Variants in VWA8 observed in about 807,000 individuals in gnomAD.
The protein encoded by VWA8 is von Willebrand factor A domain containing 8.
Under a neutral mutation model 241.5 loss-of-function variants are expected in VWA8, and 221 were observed. The observed-to-expected ratio is 0.91, with a 90% confidence interval of 0.82 to 1.02. VWA8 has a LOEUF of 1.02. Ranked by LOEUF, VWA8 falls within the 50% of genes least tolerant of loss-of-function variation. The pLI, the probability that VWA8 is intolerant of heterozygous loss-of-function variation, is 0.00. For synonymous variants in VWA8, 852 were observed against 827.1 expected, an observed-to-expected ratio of 1.03 and a Z score of -0.52; for missense variants, 2,322 against 2,328.7, an observed-to-expected ratio of 1.00 and a Z score of 0.06.
chr13:41,854,568 T>C (rs1298188533), intron 12 of VWA8, among the ~76,000 whole-genome samples: 4 of 151,890 alleles, frequency 2.6e-5, no homozygotes, highest in African/African-American at 7.2e-5. Flanking sequence ...AGGAATATAA[T>C]CTAAATTAAG....
intron 30 of VWA8, 137 bp downstream of exon 30, chr13:41,692,725 T>C (rs2045186484): frequency 1.7e-6 from 1 of 588,198 alleles, no homozygotes; most frequent in Admixed American, 3.1e-5. Context: ...TGTTAAAATC[T>C]ATACGTGCAT....
rs551677250 is a variant in VWA8 at position 41,727,199 on chromosome 13, G to C, written c.2753C>G (p.Thr918Ser). Residue 918 changes from threonine to serine, a missense_variant, in exon 24 of 45, where the codon ACC becomes AGC. Thr to Ser is a moderately conservative substitution (Grantham distance 58, BLOSUM62 1). Transcript: ENST00000379310. The part of the protein sequence containing the change: ...FPFLGNDFFG[T>S]LGDIFSCHAV... ...ATTATCATTACTGTTTTTACCTAAGGTACCGAAGAAATCATTGCCTAGGAA... is the reference window on the plus strand; with the variant it reads ...ATTATCATTACTGTTTTTACCTAAGCTACCGAAGAAATCATTGCCTAGGAA... 19 of 1,542,864 alleles carry C rather than the reference G, an allele frequency of 1.2e-5. No homozygotes were observed. Among genetic ancestry groups the C allele is most frequent in the Non-Finnish European group, 1.7e-5 (19 of 1,144,268 alleles).
intron 42 of VWA8, among the ~76,000 whole-genome samples, chr13:41,582,369 G>A (rs928774855): frequency 6.6e-6 from 1 of 152,138 alleles, no homozygotes; most frequent in Non-Finnish European, 1.5e-5. Context: ...CAAAGCAGAC[G>A]CCAAGAGAGA....
At chr13:41,647,896 G>C (rs930488882) in intron 37 of VWA8, among the ~76,000 whole-genome samples, 1 of 152,098 alleles carries the variant, frequency 6.6e-6, no homozygotes, top group Non-Finnish European at 1.5e-5. Flanking sequence ...GGCTGAAGCA[G>C]GAGAATCGCC....
intron 21 of VWA8, among the ~76,000 whole-genome samples, chr13:41,735,179 A>G (rs1405813285): frequency 1.3e-5 from 2 of 152,192 alleles, no homozygotes; most frequent in African/African-American, 2.4e-5. Context: ...TTCTCATCTC[A>G]GCTTTCACAT....
chr13:41,661,333 C>T (rs2044948895), intron 37 of VWA8, among the ~76,000 whole-genome samples: 1 of 152,126 alleles, frequency 6.6e-6, no homozygotes, highest in Non-Finnish European at 1.5e-5. Context: ...ACTCCACTGG[C>T]ATTTTCAGAT....
At chr13:41,658,222 G>A (rs889143946) in intron 37 of VWA8, among the ~76,000 whole-genome samples, 1 of 152,226 alleles carries the variant, frequency 6.6e-6, no homozygotes, top group Admixed American at 6.5e-5. Flanking sequence ...TACTTGGAAG[G>A]CTGACGTGAG....
In VWA8 at chr13:41,750,470, C is replaced by A. The variant is rs539963742; in HGVS notation, c.2426+10658G>T. On this transcript the variant is annotated intron_variant, in intron 21 of 44. Coordinates refer to ENST00000379310, the MANE Select transcript of VWA8 (RefSeq NM_015058.2). ...AACAACAACAACAACAAAACAAAAA[C>A]AAAAAAAAAAGGAAAAAAAGAAAGG... Among the ~76,000 whole-genome samples the A allele has an allele frequency of 4.0e-3, 478 of 119,704 alleles. 1 individual carries two copies. Among genetic ancestry groups the A allele is most frequent in the African/African-American group, 0.012 (383 of 32,604 alleles). The allele number at this position is 119,704 out of a possible 152,430, so 78.5% of individuals were successfully genotyped here.
chr13:41,614,886 T>C (rs2044611145), intron 38 of VWA8, 90 bp downstream of exon 38: 1 of 1,279,200 alleles, frequency 7.8e-7, no homozygotes, highest in Non-Finnish European at 1.1e-6. Flanking sequence ...GGAAAGCCCG[T>C]CTCTGAGTCT....
intron 3 of VWA8, among the ~76,000 whole-genome samples, chr13:41,910,447 T>A (rs1307436554): frequency 7.9e-5 from 12 of 151,630 alleles, no homozygotes; most frequent in African/African-American, 2.9e-4. Context: ...TAGCCGGGTG[T>A]GGTGGCATGC....
At chr13:41,772,044 C>T (rs2045827911) in intron 20 of VWA8, among the ~76,000 whole-genome samples, 1 of 152,008 alleles carries the variant, frequency 6.6e-6, no homozygotes, top group Non-Finnish European at 1.5e-5. Context: ...GCATGAACCA[C>T]CACGCCTGGC....
At chr13:41,692,468 T>C (rs1338498284) in intron 30 of VWA8, among the ~76,000 whole-genome samples, 2 of 152,058 alleles carry the variant, frequency 1.3e-5, no homozygotes, top group African/African-American at 4.8e-5. Context: ...AACACTTATT[T>C]GTCTAATGGA....
At chr13:41,733,330 G>A (rs1328701350) in intron 21 of VWA8, among the ~76,000 whole-genome samples, 1 of 152,140 alleles carries the variant, frequency 6.6e-6, no homozygotes, top group Admixed American at 6.5e-5. Context: ...GCTTTGAGAG[G>A]CAGCTGTGGA....
rs757338212 is a variant in VWA8 at position 41,570,489 on chromosome 13, G to C, written c.5588C>G (p.Ser1863Cys). The change falls in exon 44 of 45, where the codon TCT becomes TGT. Residue 1863 changes from serine (S) to cysteine (C), a missense_variant. Transcript: ENST00000379310. ...QVNAFAIFIG[S>C]LGDQATRLQR... ...TTACCTGGTTGCTTGATCACCTAAA[G>C]AGCCAATAAAAATGGCAAAAGCATT... The C allele has an allele frequency of 1.9e-6, 3 of 1,614,142 alleles. No homozygotes were observed. Among genetic ancestry groups the C allele is most frequent in the Admixed American group, 3.3e-5 (2 of 60,020 alleles).
At chr13:41,804,173 A>G (rs1217585752) in intron 17 of VWA8, among the ~76,000 whole-genome samples, 4 of 152,214 alleles carry the variant, frequency 2.6e-5, no homozygotes, top group African/African-American at 9.6e-5. Flanking sequence ...AAAGACATCA[A>G]TATTCCAGTA....
chr13:41,710,381 G>C (rs2045308696), intron 26 of VWA8, among the ~76,000 whole-genome samples: 1 of 152,130 alleles, frequency 6.6e-6, no homozygotes, highest in African/African-American at 2.4e-5. Context: ...CATGAGAGAA[G>C]ATTCATAGAT....
chr13:41,754,554 T>C (rs9590641), intron 21 of VWA8, among the ~76,000 whole-genome samples: 2,449 of 152,226 alleles, frequency 0.016, 63 homozygotes, highest in African/African-American at 0.056. Flanking sequence ...CACATCAGGG[T>C]AGATGGGGTA....
intron 26 of VWA8, among the ~76,000 whole-genome samples, chr13:41,707,542 TAAC>T (rs1566423163): frequency 6.6e-6 from 1 of 152,062 alleles, no homozygotes; most frequent in East Asian, 1.9e-4. Context: ...AGAAGAAAAA[TAAC>T]AACTCCAATT....
Position 41,926,755 on chromosome 13 carries a change from G to C in VWA8, c.242-14587C>G, listed in dbSNP as rs538513173. On this transcript the variant is annotated intron_variant, in intron 2 of 44. Transcript: ENST00000379310. Reference sequence around the variant, plus strand: ...ATACTGACTTCACCCCACCCTTCCAGAGAATCAGCATGGTAGAAGAACTTG... The same window carrying C: ...ATACTGACTTCACCCCACCCTTCCACAGAATCAGCATGGTAGAAGAACTTG... 435 of 540,844 alleles carry C rather than the reference G, an allele frequency of 8.0e-4. 9 individuals carry two copies. The highest frequency in any genetic ancestry group is 6.1e-3 in the South Asian group (433 of 70,616). 33.5% of individuals were successfully genotyped at this position (540,844 alleles called of 1,614,324 possible).
Sources: allele counts gnomAD v4.1 joint callset (sites outside exome capture counted in the v4.1 genomes callset), GRCh38; gene constraint gnomAD v4.1.1; transcripts MANE v1.5; gene names NCBI Gene and HGNC (gene_info 2026-07-23, HGNC 2026-07-21).